RPS6KA2: variants seen among roughly 807,000 people sequenced by gnomAD.
The protein encoded by RPS6KA2 is ribosomal protein S6 kinase alpha-2.
RPS6KA2 carries 42 observed loss-of-function variants against 91.8 expected under a neutral mutation model. That is an observed-to-expected ratio of 0.46 (90% CI 0.36 to 0.59). The LOEUF (loss-of-function observed/expected upper bound fraction) is 0.59, where lower values mean the gene tolerates loss of function less well. RPS6KA2 is among the 20% of genes least tolerant of loss of function. The pLI is 0.00. For missense variants in RPS6KA2, 798 were observed against 978.5 expected (o/e 0.82, Z 2.46); for synonymous variants, 414 against 393.6 (o/e 1.05, Z -0.61).
chr6:166,615,409 G>C (rs958254236), intron 1 of RPS6KA2, among the ~76,000 whole-genome samples: 1 of 152,254 alleles, frequency 6.6e-6, no homozygotes, highest in Non-Finnish European at 1.5e-5. Flanking sequence ...GTAGAATAAA[G>C]GGAGGAGTAA....
intron 2 of RPS6KA2, among the ~76,000 whole-genome samples, chr6:166,532,955 G>T (rs1783341642): frequency 6.6e-6 from 1 of 152,102 alleles, no homozygotes; most frequent in Admixed American, 6.5e-5. Context: ...GGAGACACAG[G>T]CACAAGCCCT....
At chr6:166,548,490 G>A (rs1211899637) in intron 1 of RPS6KA2, among the ~76,000 whole-genome samples, 1 of 152,194 alleles carries the variant, frequency 6.6e-6, no homozygotes, top group Non-Finnish European at 1.5e-5. Flanking sequence ...TGGTGAAGGG[G>A]TAGACACACA....
chr6:166,595,256 T>C (rs1449719589), intron 1 of RPS6KA2, among the ~76,000 whole-genome samples: 1 of 152,130 alleles, frequency 6.6e-6, no homozygotes, highest in African/African-American at 2.4e-5. Context: ...TTCGTCATGC[T>C]GGCCACGCTG....
rs143841756 is a variant in RPS6KA2, at chr6:166,764,944, C to T, written c.123+93256G>A. ...TTGGCAGCCTTGACGTTATCTCTACCGAGTTCTGTCCTCTCATCATATGTC... is the reference window on the plus strand; with the variant it reads ...TTGGCAGCCTTGACGTTATCTCTACTGAGTTCTGTCCTCTCATCATATGTC... On this transcript the variant is annotated intron_variant, in intron 2 of 21. Coordinates refer to the RPS6KA2 transcript ENST00000503859. Among the ~76,000 whole-genome samples, 1,489 of 152,366 alleles carry T rather than the reference C, an allele frequency of 9.8e-3. 11 individuals are homozygous for T. The highest frequency in any genetic ancestry group is 0.015 in the Admixed American group (226 of 15,310).
chr6:166,428,698 G>GA (rs1554271635), intron 16 of RPS6KA2, among the ~76,000 whole-genome samples: 1 of 151,882 alleles, frequency 6.6e-6, no homozygotes, highest in Non-Finnish European at 1.5e-5. Flanking sequence ...AAAAACACAT[G>GA]AAAAAATGCT....
chr6:166,530,078 C>G (rs548042116), intron 3 of RPS6KA2, among the ~76,000 whole-genome samples: 57 of 152,320 alleles, frequency 3.7e-4, no homozygotes, highest in African/African-American at 1.3e-3. Context: ...CTCATTTCCT[C>G]AGCTAGAAGG....
chr6:166,824,602 CTAATA>C (rs1287647003), intron 2 of RPS6KA2, among the ~76,000 whole-genome samples: 1 of 146,176 alleles, frequency 6.8e-6, no homozygotes, highest in Non-Finnish European at 1.5e-5. Flanking sequence ...GTCTGCATGT[CTAATA>C]TGTGTGTGTC....
intron 2 of RPS6KA2, among the ~76,000 whole-genome samples, chr6:166,792,787 T>G (rs1779125484): frequency 6.6e-6 from 1 of 152,208 alleles, no homozygotes; most frequent in Non-Finnish European, 1.5e-5. Flanking sequence ...AGAAAAGGCC[T>G]TTGACAAAAT....
At chr6:166,727,830 C>T (rs79876268) in intron 2 of RPS6KA2, among the ~76,000 whole-genome samples, 3 of 152,182 alleles carry the variant, frequency 2.0e-5, no homozygotes, top group Non-Finnish European at 4.4e-5. Context: ...TTGTAAAAAA[C>T]AGCAGCTTGC....
intron 1 of RPS6KA2, among the ~76,000 whole-genome samples, chr6:166,606,873 G>A (rs1785972508): frequency 6.6e-6 from 1 of 152,170 alleles, no homozygotes; most frequent in Non-Finnish European, 1.5e-5. Flanking sequence ...GGGCATGGTG[G>A]CTCACGCCTG....
intron 2 of RPS6KA2, among the ~76,000 whole-genome samples, chr6:166,713,774 G>A (rs899157623): frequency 2.6e-5 from 4 of 152,230 alleles, no homozygotes; most frequent in Admixed American, 6.5e-5. Flanking sequence ...GGAGGAAAGT[G>A]CTGCCTGTGA....
intron 10 of RPS6KA2, among the ~76,000 whole-genome samples, chr6:166,476,479 GCA>G (rs1303267838): frequency 3.9e-5 from 6 of 152,280 alleles, no homozygotes; most frequent in South Asian, 4.1e-4. Context: ...TACACTGTGC[GCA>G]CACAGAGGGC....
chr6:166,687,458 AG>A (rs1789058809), intron 2 of RPS6KA2, among the ~76,000 whole-genome samples: 1 of 152,180 alleles, frequency 6.6e-6, no homozygotes, highest in South Asian at 2.1e-4. Context: ...TTGCTGTTCT[AG>A]TGGGGGCAGG....
rs141872428 is a variant in RPS6KA2, at chr6:166,785,454, T to G, written c.123+72746A>C. On this transcript the variant is annotated intron_variant, in intron 2 of 21. Transcript: ENST00000503859. ...CTTCTACTTACTTGAGGGTTTATTA[T>G]TTTTTAAGTAATTACTTTCCATAGA... 3.1e-4 allele frequency among the ~76,000 whole-genome samples: 48 copies of G among 152,384 alleles called. 1 individual carries two copies. In the East Asian group the frequency reaches 7.9e-3, roughly 25 times the overall value.
chr6:166,781,503 A>G (rs1280461976), intron 2 of RPS6KA2, among the ~76,000 whole-genome samples: 1 of 152,116 alleles, frequency 6.6e-6, no homozygotes, highest in Non-Finnish European at 1.5e-5. Flanking sequence ...CCACAGAACT[A>G]CATGCACCCA....
chr6:166,673,666 C>T (rs1440769260), intron 2 of RPS6KA2, among the ~76,000 whole-genome samples: 1 of 152,256 alleles, frequency 6.6e-6, no homozygotes, highest in Non-Finnish European at 1.5e-5. Context: ...GCACGCAGCC[C>T]AGGTCAGCTT....
rs112268659 is a variant in RPS6KA2 at position 166,445,684 on chromosome 6, G to A, written c.1332+3040C>T. 0.011 allele frequency among the ~76,000 whole-genome samples: 1,719 copies of A among 152,312 alleles called. 43 individuals are homozygous for A. Among genetic ancestry groups the A allele is most frequent in the Admixed American group, 0.061 (939 of 15,306 alleles). On this transcript the variant is annotated intron_variant, in intron 14 of 20. Transcript: ENST00000265678. This position sits in a 1 kb window ranked among gnomAD's most constrained non-coding sequence, Gnocchi z 4.5. ...TGCATTTCTCTTTCTGTCATTACTC[G>A]GTGGGGACATTTCTGGGTCATCCCT...
rs778130255 is a variant in RPS6KA2, at chr6:166,666,617, T to C, written c.124-127833A>G. 2.6e-5 allele frequency among the ~76,000 whole-genome samples: 4 copies of C among 152,188 alleles called. No homozygotes were observed. Among genetic ancestry groups the C allele is most frequent in the African/African-American group, 4.8e-5 (2 of 41,442 alleles). On this transcript the variant is annotated intron_variant, in intron 2 of 21. Coordinates refer to the RPS6KA2 transcript ENST00000503859. This position sits in a 1 kb window ranked among gnomAD's most constrained non-coding sequence, Gnocchi z 4.0. ...AGCTACATCAAAACAAATAGCATAA[T>C]GAGTGTTGGCGAGGGTGCTGAAAAA...
chr6:166,648,160 C>CCCATGCACACA lies in RPS6KA2; in HGVS notation c.124-109377_124-109376insTGTGTGCATGG, dbSNP rs1787717299. ...TGCACACACGCACATGGTTACACAC[C>CCCATGCACACA]CATGCACACATGCTCACACACATGC... On this transcript the variant is annotated intron_variant, in intron 2 of 21. Coordinates refer to the RPS6KA2 transcript ENST00000503859. The surrounding 1 kb of genome is among the most constrained non-coding windows in gnomAD (Gnocchi z 4.8). Among the ~76,000 whole-genome samples the CCCATGCACACA allele has an allele frequency of 1.3e-5, 1 of 79,528 alleles. No individual in the cohort carries two copies. The highest frequency in any genetic ancestry group is 5.7e-5 in the African/African-American group (1 of 17,554). 52.2% of individuals were successfully genotyped at this position (79,528 alleles called of 152,430 possible). A position where few individuals can be genotyped will look rare whatever the true frequency, so the allele number is the denominator to read the frequency against.
Sources: allele counts gnomAD v4.1 joint callset (sites outside exome capture counted in the v4.1 genomes callset), GRCh38; gene constraint gnomAD v4.1.1; non-coding constraint Gnocchi (gnomAD v3.1); transcripts MANE v1.5; gene names NCBI Gene and HGNC (gene_info 2026-07-23, HGNC 2026-07-21).